The following PRKACB variants were observed in gnomAD, a reference collection of about 807,000 sequenced individuals.
The protein encoded by PRKACB is cAMP-dependent protein kinase catalytic subunit beta.
PRKACB carries 16 observed loss-of-function variants against 51.4 expected under a neutral mutation model. That is an observed-to-expected ratio of 0.31 (90% CI 0.21 to 0.47). The LOEUF (loss-of-function observed/expected upper bound fraction) is 0.47. Ranked by LOEUF, PRKACB falls within the 20% of genes least tolerant of loss-of-function variation. The probability of loss-of-function intolerance (pLI) is 1.00; values close to 1 mark genes in which losing one functional copy is unlikely to be tolerated. For missense variants in PRKACB, 309 were observed against 464.5 expected, an observed-to-expected ratio of 0.67 and a Z score of 3.08; for synonymous variants, 147 against 154.4, an observed-to-expected ratio of 0.95 and a Z score of 0.35.
chr1:84,111,520 T>C (rs1181521240), intron 1 of PRKACB, among the ~76,000 whole-genome samples: 1 of 152,100 alleles, frequency 6.6e-6, no homozygotes, highest in Non-Finnish European at 1.5e-5. Context: ...ATCCTTCCAT[T>C]ATTTGATTTT....
chr1:84,211,810 A>T (rs567857390), intron 8 of PRKACB, among the ~76,000 whole-genome samples: 1 of 152,194 alleles, frequency 6.6e-6, no homozygotes, highest in Non-Finnish European at 1.5e-5. Flanking sequence ...GAGCCAGTAC[A>T]GAAAGTGTTT....
chr1:84,164,456 A>G (rs2100722352), intron 1 of PRKACB: 1 of 1,556,056 alleles, frequency 6.4e-7, no homozygotes, highest in Admixed American at 1.9e-5. Flanking sequence ...ATTTTTTCAT[A>G]TCTTTGAAAG....
intron 2 of PRKACB, among the ~76,000 whole-genome samples, 198 bp from the exon 3 acceptor site, chr1:84,182,002 C>T (rs1663664425): frequency 6.6e-6 from 1 of 151,956 alleles, no homozygotes; most frequent in Non-Finnish European, 1.5e-5. Context: ...TACATTCTCT[C>T]CTCAGATATT....
exon 1 of PRKACB, chr1:84,078,285 C>CCCCTT: frequency 1.9e-6 from 3 of 1,579,024 alleles, no homozygotes; most frequent in Admixed American, 1.8e-5. Context: ...GGCCCCAGCC[C>CCCCTT]CCCTTCCCTT....
At chr1:84,127,718 T>C (rs6695305) in intron 1 of PRKACB, among the ~76,000 whole-genome samples, 1 of 152,014 alleles carries the variant, frequency 6.6e-6, no homozygotes, top group East Asian at 1.9e-4. Flanking sequence ...ACTTTTGAAA[T>C]GTTATTTTGC....
At chr1:84,142,138 T>C (rs1023314016), upstream of PRKACB, among the ~76,000 whole-genome samples, 2 of 152,164 alleles carry the variant, frequency 1.3e-5, no homozygotes, top group Admixed American at 1.3e-4. Context: ...TTTTTTCTTT[T>C]AACATGTTTA....
intron 8 of PRKACB, among the ~76,000 whole-genome samples, 180 bp downstream of exon 8, chr1:84,202,985 G>A (rs183694657): frequency 1.6e-4 from 25 of 151,990 alleles, no homozygotes; most frequent in African/African-American, 6.0e-4. Flanking sequence ...GAAAAAAAGG[G>A]CAGTTTTATA....
upstream of PRKACB, among the ~76,000 whole-genome samples, chr1:84,141,736 G>C (rs1275840270): frequency 1.3e-5 from 2 of 152,104 alleles, no homozygotes; most frequent in Non-Finnish European, 2.9e-5. Flanking sequence ...CTGGCTAGAT[G>C]TGTTAAAAAT....
rs796817131 is a variant in PRKACB, at chr1:84,223,381, T to G, written c.1071+9064T>G. The stretch of plus-strand genomic sequence containing the variant: ...GGTTGTTTTTTTTTGTTTTTTTGTT[T>G]TTTTTGAAATGGTGTCTCGCTCTGT... On this transcript the variant is annotated intron_variant, in intron 9 of 9. Coordinates refer to ENST00000370685, the MANE Select transcript of PRKACB (RefSeq NM_182948.4). Among the ~76,000 whole-genome samples, 681 of 149,940 alleles carry G rather than the reference T, an allele frequency of 4.5e-3. 2 individuals are homozygous for G. The highest frequency in any genetic ancestry group is 7.4e-3 in the Non-Finnish European group (495 of 67,342).
rs552233381 is a variant in PRKACB at position 84,125,906 on chromosome 1, TCCCTTGAC to T, written c.46+47541_46+47548del. The stretch of plus-strand genomic sequence containing the variant: ...CCCCTTCCTTCAGAAATGGGATAGT[TCCCTTGAC>T]CCCTTCGCGGGACTCACAAAGGGAT... On this transcript the variant is annotated intron_variant, in intron 1 of 8. Coordinates refer to the PRKACB transcript ENST00000370688. Among the ~76,000 whole-genome samples, 709 of 152,300 alleles carry T rather than the reference TCCCTTGAC, an allele frequency of 4.7e-3. 4 individuals carry two copies. The highest frequency in any genetic ancestry group is 6.5e-3 in the Non-Finnish European group (445 of 68,020).
rs536936606 is a variant in PRKACB at position 84,153,325 on chromosome 1, G to T, written c.187+8777G>T. 3.3e-5 allele frequency among the ~76,000 whole-genome samples: 5 copies of T among 152,266 alleles called. 1 individual carries two copies. Among genetic ancestry groups the T allele is most frequent in the African/African-American group, 1.2e-4 (5 of 41,560 alleles). ...CAGAGACATGAAGTGAGCACATGCT[G>T]TAAGAAAAATGGCACCAACAGATTT... On this transcript the variant is annotated intron_variant, in intron 1 of 9. Transcript: ENST00000370685.
intron 8 of PRKACB, chr1:84,204,680 A>G: frequency 2.9e-6 from 3 of 1,032,324 alleles, no homozygotes; most frequent in Non-Finnish European, 3.7e-6. Context: ...TGTAAATGTT[A>G]TAATAATTGT....
chr1:84,078,087 T>TGCCACCGCCGTCGCC, upstream of PRKACB: 3 of 400,324 alleles, frequency 7.5e-6, no homozygotes, highest in East Asian at 4.1e-5. Flanking sequence ...CCACTGCTGC[T>TGCCACCGCCGTCGCC]GCCACCGCCG....
At chr1:84,089,488 G>A (rs933353986) in intron 1 of PRKACB, among the ~76,000 whole-genome samples, 4 of 152,148 alleles carry the variant, frequency 2.6e-5, no homozygotes, top group Non-Finnish European at 5.9e-5. Flanking sequence ...TTCAAGGCAT[G>A]TATCATTCAA....
At chr1:84,212,995 T>C (rs1047399723) in intron 8 of PRKACB, among the ~76,000 whole-genome samples, 2 of 152,126 alleles carry the variant, frequency 1.3e-5, no homozygotes, top group Non-Finnish European at 2.9e-5. Flanking sequence ...TGATGCACTA[T>C]GTAAGTTATG....
At chr1:84,082,533 T>C (rs1438079997) in intron 1 of PRKACB, among the ~76,000 whole-genome samples, 1 of 152,196 alleles carries the variant, frequency 6.6e-6, no homozygotes, top group East Asian at 1.9e-4. Context: ...ATGTATACTT[T>C]TCCCTTCTTG....
intron 1 of PRKACB, chr1:84,164,662 C>G: frequency 1.4e-6 from 2 of 1,396,478 alleles, no homozygotes; most frequent in Non-Finnish European, 1.9e-6. Context: ...TTGAGAACAT[C>G]TTATACATCC....
At chr1:84,134,344 C>T (rs1235760054) in intron 1 of PRKACB, among the ~76,000 whole-genome samples, 6 of 114,684 alleles carry the variant, frequency 5.2e-5, no homozygotes, top group Non-Finnish European at 1.3e-4. Context: ...ATGGGGCCTT[C>T]GCTGGGGACC....
At chr1:84,095,470 G>A (rs1245079386) in intron 1 of PRKACB, among the ~76,000 whole-genome samples, 1 of 151,740 alleles carries the variant, frequency 6.6e-6, no homozygotes, top group Non-Finnish European at 1.5e-5. Flanking sequence ...GTTTCATCAT[G>A]TTTTGTTTTC....
Sources: gnomAD v4.1 joint callset for allele counts (sites outside exome capture counted in the v4.1 genomes callset) on GRCh38, gnomAD v4.1.1 for gene constraint, MANE v1.5 for transcripts, NCBI Gene and HGNC (gene_info 2026-07-23, HGNC 2026-07-21) for gene names.